DCC: variants seen among roughly 807,000 people sequenced by gnomAD.
The protein encoded by DCC is DCC netrin 1 receptor.
A neutral mutation model predicts 172.5 loss-of-function variants in DCC; 58 were observed. That is an observed-to-expected ratio of 0.34 (90% confidence interval 0.27 to 0.42). DCC has a LOEUF of 0.42. Ranked by LOEUF, DCC falls within the 10% of genes least tolerant of loss-of-function variation. The probability of loss-of-function intolerance (pLI) is 1.00; values close to 1 mark genes in which losing one functional copy is unlikely to be tolerated. For synonymous variants in DCC, 709 were observed against 644.5 expected, an observed-to-expected ratio of 1.10 and a Z score of -1.52; for missense variants, 1,740 against 1,791.0, an observed-to-expected ratio of 0.97 and a Z score of 0.51.
At chr18:53,095,281 T>A (rs2043070076) in intron 7 of DCC, among the ~76,000 whole-genome samples, 1 of 152,164 alleles carries the variant, frequency 6.6e-6, no homozygotes, top group Admixed American at 6.5e-5. Flanking sequence ...AATGTAGAGA[T>A]GACTGTTCAC....
At chr18:53,008,858 A>T (rs2041685711) in intron 5 of DCC, among the ~76,000 whole-genome samples, 1 of 152,004 alleles carries the variant, frequency 6.6e-6, no homozygotes, top group Non-Finnish European at 1.5e-5. Context: ...TTACAAATGA[A>T]TTTCTTCTTG....
intron 3 of DCC, among the ~76,000 whole-genome samples, chr18:52,913,846 C>G (rs2040003643): frequency 6.6e-6 from 1 of 151,948 alleles, no homozygotes; most frequent in East Asian, 1.9e-4. Flanking sequence ...GACTTATAAC[C>G]CATGAAGCAA....
intron 2 of DCC, among the ~76,000 whole-genome samples, chr18:52,891,124 A>G (rs1314221062): frequency 6.6e-6 from 1 of 152,038 alleles, no homozygotes; most frequent in Non-Finnish European, 1.5e-5. Context: ...TTAATGCTCA[A>G]ATTAACTTGA....
intron 24 of DCC, among the ~76,000 whole-genome samples, chr18:53,463,316 T>C (rs774612279): frequency 1.3e-5 from 2 of 152,224 alleles, no homozygotes; most frequent in Non-Finnish European, 2.9e-5. Context: ...ATGACTGTTT[T>C]CTTTAAAATA....
chr18:52,579,849 T>C (rs1057277543), intron 1 of DCC, among the ~76,000 whole-genome samples: 4 of 152,194 alleles, frequency 2.6e-5, no homozygotes, highest in South Asian at 2.1e-4. Context: ...ATAGTTTCAT[T>C]TGAAGAGAAA....
chr18:53,320,843 T>C (rs772063156), intron 13 of DCC, among the ~76,000 whole-genome samples: 5 of 152,200 alleles, frequency 3.3e-5, no homozygotes, highest in Non-Finnish European at 7.4e-5. Flanking sequence ...AGAGCACCAA[T>C]GATAGTCTCA....
chr18:52,685,591 C>G (rs4939700), intron 1 of DCC, among the ~76,000 whole-genome samples: 37,085 of 151,898 alleles, frequency 0.24, 5,491 homozygotes, highest in South Asian at 0.4. Context: ...GGTCCTGAGA[C>G]AGCAGGTTGT....
At chr18:52,532,189 CTATT>C (rs2032169631) in intron 1 of DCC, among the ~76,000 whole-genome samples, 1 of 151,972 alleles carries the variant, frequency 6.6e-6, no homozygotes, top group African/African-American at 2.4e-5. Flanking sequence ...CTAGTTTCTT[CTATT>C]ATAGGAATAA....
At chr18:52,459,280 A>C (rs1023418563) in intron 1 of DCC, among the ~76,000 whole-genome samples, 2 of 151,946 alleles carry the variant, frequency 1.3e-5, no homozygotes, top group Non-Finnish European at 2.9e-5. Flanking sequence ...TTTGTTGTAC[A>C]GATTATTTTG....
rs1277479471 is a variant in DCC at position 52,927,164 on chromosome 18, T to TAC, written c.985+1795_985+1796insCA. On this transcript the variant is annotated intron_variant, in intron 5 of 28. Coordinates refer to ENST00000442544, the MANE Select transcript of DCC (RefSeq NM_005215.4). ...GTATATATGTGTATATATACGTATA[T>TAC]ATGTGTATATATGTGTATATATACG... Among the ~76,000 whole-genome samples, 13 of 83,216 alleles carry TAC rather than the reference T, an allele frequency of 1.6e-4. 2 individuals carry two copies. Among genetic ancestry groups the TAC allele is most frequent in the Non-Finnish European group, 7.9e-5 (3 of 37,922 alleles). The allele number at this position is 83,216 out of a possible 152,430, so 54.6% of individuals were successfully genotyped here.
At chr18:52,656,342 A>T (rs1012746384) in intron 1 of DCC, among the ~76,000 whole-genome samples, 5 of 151,960 alleles carry the variant, frequency 3.3e-5, no homozygotes, top group Non-Finnish European at 7.4e-5. Flanking sequence ...TGACATCACA[A>T]TGAATACATG....
intron 12 of DCC, among the ~76,000 whole-genome samples, chr18:53,254,907 T>C (rs187371075): frequency 6.6e-6 from 1 of 152,190 alleles, no homozygotes; most frequent in African/African-American, 2.4e-5. Flanking sequence ...TATCCTAATT[T>C]AACACACCTT....
At chr18:52,805,581 A>G (rs1365802770) in intron 2 of DCC, among the ~76,000 whole-genome samples, 1 of 152,216 alleles carries the variant, frequency 6.6e-6, no homozygotes, top group African/African-American at 2.4e-5. Flanking sequence ...ATAGAAAGAT[A>G]TTTTAAAAAT....
intron 2 of DCC, among the ~76,000 whole-genome samples, chr18:52,784,325 G>T (rs1232474766): frequency 6.6e-6 from 1 of 151,950 alleles, no homozygotes; most frequent in Non-Finnish European, 1.5e-5. Context: ...TACTCGATGG[G>T]TACTTAGATT....
At chr18:52,955,026 G>T (rs570293973) in intron 5 of DCC, among the ~76,000 whole-genome samples, 1 of 152,124 alleles carries the variant, frequency 6.6e-6, no homozygotes, top group Non-Finnish European at 1.5e-5. Flanking sequence ...TGATGCATTC[G>T]TGATAATCAA....
At chr18:53,054,823 C>G (rs113807436) in intron 5 of DCC, among the ~76,000 whole-genome samples, 1 of 152,050 alleles carries the variant, frequency 6.6e-6, no homozygotes, top group Non-Finnish European at 1.5e-5. Context: ...ATTGTGCTCA[C>G]GAGAAGTATA....
At chr18:53,242,322 C>T (rs60491644) in intron 12 of DCC, among the ~76,000 whole-genome samples, 13,512 of 152,212 alleles carry the variant, frequency 0.089, 1,846 homozygotes, top group African/African-American at 0.29. Context: ...TCCAATGGGA[C>T]AGCCAGGAAG....
At chr18:52,721,358 A>G (rs776865775) in intron 1 of DCC, among the ~76,000 whole-genome samples, 1 of 152,192 alleles carries the variant, frequency 6.6e-6, no homozygotes, top group Non-Finnish European at 1.5e-5. Flanking sequence ...AGCTCAAAAA[A>G]TTCTCAAAAT....
intron 13 of DCC, among the ~76,000 whole-genome samples, chr18:53,308,609 A>T (rs1292262362): frequency 6.6e-6 from 1 of 152,202 alleles, no homozygotes; most frequent in Non-Finnish European, 1.5e-5. Flanking sequence ...TTAATTGCTT[A>T]GTCCTTATGA....
Sources: gnomAD v4.1 joint callset for allele counts (sites outside exome capture counted in the v4.1 genomes callset) on GRCh38, gnomAD v4.1.1 for gene constraint, MANE v1.5 for transcripts, NCBI Gene and HGNC (gene_info 2026-07-23, HGNC 2026-07-21) for gene names.